TMEM132C: variants seen among roughly 807,000 people sequenced by gnomAD.
TMEM132C encodes protein phosphatase 1, regulatory subunit 152.
Under a neutral mutation model 61.4 loss-of-function variants are expected in TMEM132C, and 29 were observed. That is an observed-to-expected ratio of 0.47 (90% CI 0.35 to 0.64). The LOEUF (loss-of-function observed/expected upper bound fraction) is 0.64. Among genes scored for constraint, TMEM132C ranks in the 30% least tolerant of loss-of-function variants. The pLI, the probability that TMEM132C is intolerant of heterozygous loss-of-function variation, is 0.00. For synonymous variants in TMEM132C, 656 were observed against 633.1 expected (o/e 1.04, Z -0.54); for missense variants, 1,408 against 1,476.9 (o/e 0.95, Z 0.76).
chr12:128,579,823 A>T lies in TMEM132C; in HGVS notation c.1121+35720A>T, dbSNP rs117374589. Reference sequence around the variant, plus strand: ...TTGATACTGACCCAGATGAGCCAGGATAAATGTCTTGATCCACTTTGCTGT... The same window carrying T: ...TTGATACTGACCCAGATGAGCCAGGTTAAATGTCTTGATCCACTTTGCTGT... On this transcript the variant is annotated intron_variant, in intron 3 of 8. Transcript: ENST00000435159. Among the ~76,000 whole-genome samples the T allele has an allele frequency of 2.3e-3, 345 of 152,336 alleles. 2 individuals are homozygous for T. The highest frequency in any genetic ancestry group is 6.8e-3 in the Middle Eastern group (2 of 294).
At chr12:128,390,430 G>T (rs1210027025) in intron 1 of TMEM132C, among the ~76,000 whole-genome samples, 1 of 152,114 alleles carries the variant, frequency 6.6e-6, no homozygotes, top group Non-Finnish European at 1.5e-5. Context: ...TGGCAGCTGT[G>T]GGTGGGTCCT....
chr12:128,267,911 C>T (rs1444128588), intron 1 of TMEM132C, among the ~76,000 whole-genome samples: 2 of 152,202 alleles, frequency 1.3e-5, no homozygotes, highest in Non-Finnish European at 2.9e-5. Flanking sequence ...TGCTCCCTGT[C>T]CACAGCTCCC....
intron 3 of TMEM132C, among the ~76,000 whole-genome samples, chr12:128,593,800 T>A (rs2135568230): frequency 6.6e-6 from 1 of 152,192 alleles, no homozygotes; most frequent in South Asian, 2.1e-4. Context: ...CAGGGGCCAA[T>A]GCAGACTCTT....
At chr12:128,449,517 A>T (rs1386987774) in intron 2 of TMEM132C, among the ~76,000 whole-genome samples, 1 of 152,204 alleles carries the variant, frequency 6.6e-6, no homozygotes, top group East Asian at 1.9e-4. Context: ...TTTACAGTTT[A>T]TTAGGATGAC....
intron 2 of TMEM132C, among the ~76,000 whole-genome samples, chr12:128,416,371 T>C (rs1868782619): frequency 6.6e-6 from 1 of 152,244 alleles, no homozygotes. Flanking sequence ...AAAATTCATT[T>C]AAAGCAAATC....
chr12:128,458,277 ATAT>A (rs1378982806), intron 2 of TMEM132C, among the ~76,000 whole-genome samples: 3 of 109,200 alleles, frequency 2.7e-5, no homozygotes, highest in Non-Finnish European at 5.3e-5. Flanking sequence ...TATAATTATA[ATAT>A]TTAGTATTGT....
chr12:128,388,494 T>C (rs1449353443), intron 1 of TMEM132C, among the ~76,000 whole-genome samples: 4 of 152,264 alleles, frequency 2.6e-5, no homozygotes, highest in African/African-American at 9.6e-5. Flanking sequence ...TTAACTGCTG[T>C]GTGTGCAATA....
intron 2 of TMEM132C, among the ~76,000 whole-genome samples, chr12:128,473,859 A>G (rs556808814): frequency 6.6e-6 from 1 of 152,128 alleles, no homozygotes; most frequent in Non-Finnish European, 1.5e-5. Context: ...TCATCACAGG[A>G]TGCCTAACTT....
intron 4 of TMEM132C, among the ~76,000 whole-genome samples, chr12:128,641,643 C>T (rs144646974): frequency 2.3e-3 from 357 of 152,242 alleles, no homozygotes; most frequent in African/African-American, 7.9e-3. Flanking sequence ...TCAGAGTGAG[C>T]GTGACCCCAC....
rs1003522509 is a variant in TMEM132C, at chr12:128,630,833, G to A, written c.1305+14498G>A. Among the ~76,000 whole-genome samples the A allele has an allele frequency of 6.6e-6, 1 of 152,202 alleles. No homozygotes were observed. Among genetic ancestry groups the A allele is most frequent in the African/African-American group, 2.4e-5 (1 of 41,440 alleles). The stretch of plus-strand genomic sequence containing the variant: ...GCAGATCACAAGGTCAGGAAATCGA[G>A]ACCATCCTGGCCAACAGGGTGAAAC... On this transcript the variant is annotated intron_variant, in intron 4 of 8. Transcript: ENST00000435159. The surrounding 1 kb of genome is among the most constrained non-coding windows in gnomAD (Gnocchi z 4.3).
intron 4 of TMEM132C, among the ~76,000 whole-genome samples, chr12:128,658,229 G>A (rs1383628553): frequency 6.6e-6 from 1 of 151,856 alleles, no homozygotes; most frequent in Admixed American, 6.6e-5. Context: ...GGCAGGAGCA[G>A]GGACGCAGCT....
intron 5 of TMEM132C, among the ~76,000 whole-genome samples, chr12:128,689,061 G>A (rs1452603478): frequency 4.0e-5 from 6 of 151,782 alleles, no homozygotes; most frequent in South Asian, 2.1e-4. Flanking sequence ...CAAGTGATCC[G>A]CCCGCCTCAG....
At chr12:128,351,305 C>T (rs1471189371) in intron 1 of TMEM132C, among the ~76,000 whole-genome samples, 1 of 152,052 alleles carries the variant, frequency 6.6e-6, no homozygotes, top group Non-Finnish European at 1.5e-5. Flanking sequence ...ATAGAAAGGT[C>T]TGTTGGGGCC....
chr12:128,483,480 C>G (rs1286023118), intron 2 of TMEM132C, among the ~76,000 whole-genome samples: 1 of 152,058 alleles, frequency 6.6e-6, no homozygotes, highest in East Asian at 1.9e-4. Context: ...ACCTGGTTTT[C>G]TGGGTTCGTC....
intron 4 of TMEM132C, among the ~76,000 whole-genome samples, chr12:128,658,784 G>A (rs1593137971): frequency 1.3e-5 from 2 of 152,218 alleles, no homozygotes; most frequent in East Asian, 3.8e-4. Context: ...TTTAGCGCAA[G>A]ATTCCTCATA....
intron 2 of TMEM132C, among the ~76,000 whole-genome samples, chr12:128,444,995 CGCCGTT>C (rs1051477824): frequency 3.9e-5 from 6 of 152,014 alleles, no homozygotes; most frequent in Admixed American, 1.3e-4. Context: ...CGGGCTTTCC[CGCCGTT>C]GGGGTTAATT....
intron 1 of TMEM132C, among the ~76,000 whole-genome samples, chr12:128,317,236 C>A (rs959756388): frequency 1.3e-5 from 2 of 152,060 alleles, no homozygotes; most frequent in African/African-American, 4.8e-5. Flanking sequence ...TAACTGATTT[C>A]TTTGAGGAAC....
rs1467175027 is a variant in TMEM132C, at chr12:128,636,485, A to G, written c.1305+20150A>G. 2.6e-5 allele frequency among the ~76,000 whole-genome samples: 4 copies of G among 152,262 alleles called. No individual in the cohort carries two copies. In the East Asian group the frequency reaches 7.7e-4, roughly 29 times the overall value. ...TGAAATGGTCATTACAATCAAGGTA[A>G]CAAGAAGACCCGTCACCTCCCAAAG... On this transcript the variant is annotated intron_variant, in intron 4 of 8. Coordinates refer to ENST00000435159, the MANE Select transcript of TMEM132C (RefSeq NM_001136103.3).
chr12:128,686,024 CATGT>C (rs1441203049), intron 5 of TMEM132C, among the ~76,000 whole-genome samples: 2 of 140,884 alleles, frequency 1.4e-5, no homozygotes, highest in South Asian at 2.3e-4. Context: ...TGTGTGCATG[CATGT>C]GTGTGTGTAT....
Sources: gnomAD v4.1 joint callset for allele counts (sites outside exome capture counted in the v4.1 genomes callset) on GRCh38, gnomAD v4.1.1 for gene constraint, Gnocchi (gnomAD v3.1) non-coding constraint, MANE v1.5 for transcripts, NCBI Gene and HGNC (gene_info 2026-07-23, HGNC 2026-07-21) for gene names.